Variants in POLN observed in about 807,000 individuals in gnomAD.
POLN encodes DNA polymerase N.
A neutral mutation model predicts 113.5 loss-of-function variants in POLN; 108 were observed. The ratio of observed to expected loss-of-function variants is 0.95; its 90% CI spans 0.81 to 1.12. The LOEUF (loss-of-function observed/expected upper bound fraction) is 1.12, where lower values mean the gene tolerates loss of function less well. Ranked by LOEUF, POLN falls within the 50% of genes most tolerant of loss-of-function variation. The pLI is 0.00. For synonymous variants in POLN, 386 were observed against 391.5 expected (o/e 0.99, Z 0.17); for missense variants, 1,097 against 1,077.1 (o/e 1.02, Z -0.26).
At chr4:2,198,979 G>A (rs1733647507) in intron 5 of POLN, among the ~76,000 whole-genome samples, 1 of 152,050 alleles carries the variant, frequency 6.6e-6, no homozygotes, top group African/African-American at 2.4e-5. Context: ...AAACACATCA[G>A]AAAGGAAGCA....
At chr4:2,089,650 T>C (rs1445654773) in intron 20 of POLN, 1 of 782,070 alleles carries the variant, frequency 1.3e-6, no homozygotes, top group Non-Finnish European at 2.0e-6. Flanking sequence ...CAAAGGATTA[T>C]CTGAACTTCC....
At chr4:2,138,510 G>T (rs1194442443) in intron 16 of POLN, among the ~76,000 whole-genome samples, 1 of 152,196 alleles carries the variant, frequency 6.6e-6, no homozygotes, top group Non-Finnish European at 1.5e-5. Context: ...TTGGTGCCCA[G>T]CCCGGACCCC....
chr4:2,161,195 G>A (rs549089901), intron 13 of POLN, among the ~76,000 whole-genome samples: 29 of 152,356 alleles, frequency 1.9e-4, no homozygotes, highest in African/African-American at 5.5e-4. Context: ...TCAGCCCACC[G>A]CCACACTGTG....
intron 13 of POLN, among the ~76,000 whole-genome samples, chr4:2,161,301 G>A (rs1484160481): frequency 6.6e-6 from 1 of 152,220 alleles, no homozygotes; most frequent in Non-Finnish European, 1.5e-5. Flanking sequence ...GGGGCTGCGC[G>A]GGGCGCTTGC....
chr4:2,144,689 C>T (rs756844380), intron 16 of POLN, among the ~76,000 whole-genome samples: 23 of 152,112 alleles, frequency 1.5e-4, no homozygotes, highest in Non-Finnish European at 2.6e-4. Context: ...CCCAATAATC[C>T]GTTAGCTGTA....
intron 23 of POLN, among the ~76,000 whole-genome samples, chr4:2,078,117 G>A (rs1257302377): frequency 6.6e-6 from 1 of 152,240 alleles, no homozygotes; most frequent in Non-Finnish European, 1.5e-5. Context: ...ACTGCTCTGT[G>A]GACTCATCCT....
At chr4:2,241,201 G>C in intron 2 of POLN, 1 of 376,230 alleles carries the variant, frequency 2.7e-6, no homozygotes, top group Non-Finnish European at 4.7e-6. Flanking sequence ...TAAATGACAG[G>C]TAGTCGTAGC....
chr4:2,240,411 A>T, intron 2 of POLN: 1 of 1,613,068 alleles, frequency 6.2e-7, no homozygotes, highest in Non-Finnish European at 8.5e-7. Context: ...ATGTCTGAAG[A>T]ACATCATCAA....
intron 21 of POLN, among the ~76,000 whole-genome samples, chr4:2,085,326 T>C (rs1730520152): frequency 6.6e-6 from 1 of 152,246 alleles, no homozygotes; most frequent in African/African-American, 2.4e-5. Context: ...TAAGAATCCA[T>C]GTTTTCCCTT....
chr4:2,213,371 T>C (rs1240093430), intron 3 of POLN, among the ~76,000 whole-genome samples: 1 of 152,220 alleles, frequency 6.6e-6, no homozygotes, highest in African/African-American at 2.4e-5. Flanking sequence ...TTATTAAAAA[T>C]CATTATTTGA....
chr4:2,089,498 C>A, intron 20 of POLN: 1 of 1,383,210 alleles, frequency 7.2e-7, no homozygotes, highest in Non-Finnish European at 9.9e-7. Flanking sequence ...GATGGACTTT[C>A]ACACTGGGAA....
intron 2 of POLN, among the ~76,000 whole-genome samples, chr4:2,237,666 A>G (rs1443972546): frequency 6.6e-6 from 1 of 152,210 alleles, no homozygotes; most frequent in Non-Finnish European, 1.5e-5. Context: ...ACTACTACAC[A>G]TCTTAACCTA....
intron 2 of POLN, chr4:2,236,355 A>G (rs1361400601): frequency 5.6e-6 from 9 of 1,612,572 alleles, no homozygotes; most frequent in South Asian, 3.3e-5. Flanking sequence ...ATCTTGTACT[A>G]AAGAAATATT....
At chr4:2,197,722 T>C (rs990248810) in intron 6 of POLN, among the ~76,000 whole-genome samples, 3 of 152,194 alleles carry the variant, frequency 2.0e-5, no homozygotes, top group African/African-American at 7.2e-5. Context: ...TTGTCACACA[T>C]TCCCCTTCTC....
At chr4:2,240,332 A>T (rs755772363) in intron 2 of POLN, 1 of 1,603,380 alleles carries the variant, frequency 6.2e-7, no homozygotes, top group African/African-American at 1.3e-5. Flanking sequence ...GCTCTTCCTG[A>T]CTTAGGTATT....
chr4:2,100,914 G>A (rs1236382670), intron 19 of POLN, among the ~76,000 whole-genome samples: 1 of 152,222 alleles, frequency 6.6e-6, no homozygotes, highest in Non-Finnish European at 1.5e-5. Context: ...GCTCATTAAT[G>A]TAAAAACAAT....
intron 2 of POLN, chr4:2,234,633 G>T (rs567519730): frequency 2.3e-4 from 35 of 152,276 alleles, no homozygotes; most frequent in African/African-American, 8.2e-4. Context: ...TACTGGAAAA[G>T]TGTAAAGAAA....
At chr4:2,196,191 T>C (rs1220895691) in intron 6 of POLN, among the ~76,000 whole-genome samples, 1 of 152,210 alleles carries the variant, frequency 6.6e-6, no homozygotes, top group South Asian at 2.1e-4. Flanking sequence ...GACATACGTA[T>C]ACTAAGAAAT....
intron 20 of POLN, chr4:2,090,629 G>A (rs1730644000): frequency 1.0e-5 from 4 of 400,534 alleles, no homozygotes; most frequent in South Asian, 2.9e-5. Context: ...ACGGTGGAGA[G>A]GGCGTTTGCT....
Sources: allele counts gnomAD v4.1 joint callset (sites outside exome capture counted in the v4.1 genomes callset), GRCh38; gene constraint gnomAD v4.1.1; transcripts MANE v1.5; gene names NCBI Gene and HGNC (gene_info 2026-07-23, HGNC 2026-07-21).